The following HEMK2 variants were observed in gnomAD, a reference collection of about 807,000 sequenced individuals.
HEMK2 encodes methyltransferase HEMK2.
the HEMK2 span, among the ~76,000 whole-genome samples, chr21:28,676,226 C>T: frequency 2.7e-3 from 404 of 152,302 alleles, 3 homozygotes; most frequent in African/African-American, 9.1e-3. Flanking sequence ...ATCAAGGTGT[C>T]AACAAGGTTG....
the HEMK2 span, among the ~76,000 whole-genome samples, chr21:28,631,471 A>G: frequency 1.3e-5 from 2 of 152,210 alleles, no homozygotes; most frequent in African/African-American, 4.8e-5. Context: ...ACCCTAATTC[A>G]GTGGTCTTGG....
chr21:28,824,321 A>G, the HEMK2 span, among the ~76,000 whole-genome samples: 1 of 152,234 alleles, frequency 6.6e-6, no homozygotes, highest in South Asian at 2.1e-4. Flanking sequence ...GACAGGAAGA[A>G]ATCACTCCTA....
the HEMK2 span, among the ~76,000 whole-genome samples, chr21:28,742,261 A>G: frequency 1.3e-5 from 2 of 152,298 alleles, no homozygotes; most frequent in African/African-American, 2.4e-5. Context: ...AGAGTTTTAC[A>G]TTTGCTGAAA....
chr21:28,851,642 G>A, the HEMK2 span, among the ~76,000 whole-genome samples: 4 of 152,252 alleles, frequency 2.6e-5, no homozygotes, highest in African/African-American at 9.6e-5. Flanking sequence ...CCATCCTCTG[G>A]CATGCAAATG....
the HEMK2 span, among the ~76,000 whole-genome samples, chr21:28,698,178 C>T: frequency 6.6e-6 from 1 of 152,196 alleles, no homozygotes; most frequent in East Asian, 1.9e-4. Flanking sequence ...CACGAAGATT[C>T]AGACCATAGC....
At chr21:28,624,905 A>G in the HEMK2 span, among the ~76,000 whole-genome samples, 2 of 152,226 alleles carry the variant, frequency 1.3e-5, no homozygotes, top group African/African-American at 4.8e-5. Flanking sequence ...CTTCTCCTGT[A>G]TTAAGCAGAA....
the HEMK2 span, among the ~76,000 whole-genome samples, chr21:28,708,631 ATTT>A: frequency 1.3e-5 from 2 of 152,236 alleles, no homozygotes; most frequent in Non-Finnish European, 2.9e-5. Context: ...TTTGAAAGAT[ATTT>A]GTCCTTAGGA....
the HEMK2 span, among the ~76,000 whole-genome samples, chr21:28,730,373 A>AACACACACAGACAC: frequency 1.1e-4 from 15 of 132,734 alleles, no homozygotes; most frequent in South Asian, 2.5e-4. Flanking sequence ...CCTTGTCTCA[A>AACACACACAGACAC]ACACACACAG....
At chr21:28,684,779 G>A in the HEMK2 span, among the ~76,000 whole-genome samples, 1 of 152,152 alleles carries the variant, frequency 6.6e-6, no homozygotes, top group African/African-American at 2.4e-5. Context: ...CTCCTGGGTC[G>A]AACATCCAAC....
chr21:28,710,648 A>C, the HEMK2 span, among the ~76,000 whole-genome samples: 2 of 152,204 alleles, frequency 1.3e-5, no homozygotes, highest in African/African-American at 2.4e-5. Flanking sequence ...AGTGCTGGGG[A>C]GTGAGGAAGA....
At chr21:28,578,647 C>G in the HEMK2 span, among the ~76,000 whole-genome samples, 1 of 152,128 alleles carries the variant, frequency 6.6e-6, no homozygotes, top group African/African-American at 2.4e-5. Flanking sequence ...ATCATACGGA[C>G]TGGCAGGGAA....
the HEMK2 span, among the ~76,000 whole-genome samples, chr21:28,737,679 G>A: frequency 6.6e-6 from 1 of 151,912 alleles, no homozygotes; most frequent in Non-Finnish European, 1.5e-5. Context: ...ATGAAAATTT[G>A]TAAGGAACAT....
At chr21:28,596,844 T>C in the HEMK2 span, among the ~76,000 whole-genome samples, 1 of 152,216 alleles carries the variant, frequency 6.6e-6, no homozygotes, top group Non-Finnish European at 1.5e-5. Flanking sequence ...GTGTGCTCCA[T>C]ACCGAAAATG....
At chr21:28,770,907 T>C in the HEMK2 span, among the ~76,000 whole-genome samples, 1 of 152,162 alleles carries the variant, frequency 6.6e-6, no homozygotes, top group Non-Finnish European at 1.5e-5. Context: ...AGTAGCATCA[T>C]GCTACAATTC....
At chr21:28,604,777 A>C in the HEMK2 span, among the ~76,000 whole-genome samples, 92,370 of 152,070 alleles carry the variant, frequency 0.61, 28,254 homozygotes, top group East Asian at 0.82. Flanking sequence ...CCAAAGCCTC[A>C]CACCATTTGC....
At chr21:28,762,303 C>G in the HEMK2 span, among the ~76,000 whole-genome samples, 1 of 152,032 alleles carries the variant, frequency 6.6e-6, no homozygotes, top group Non-Finnish European at 1.5e-5. Flanking sequence ...AAAGAACATA[C>G]CCATGGATAT....
chr21:28,673,612 T>C, the HEMK2 span, among the ~76,000 whole-genome samples: 4 of 117,962 alleles, frequency 3.4e-5, no homozygotes, highest in African/African-American at 1.6e-4. Flanking sequence ...GGACAAAACA[T>C]TCGTTAAAAT....
chr21:28,746,059 T>C, the HEMK2 span, among the ~76,000 whole-genome samples: 2 of 152,238 alleles, frequency 1.3e-5, no homozygotes, highest in East Asian at 3.8e-4. Context: ...TTGGATACTC[T>C]ATCAAATAAC....
chr21:28,684,179 G>C, the HEMK2 span, among the ~76,000 whole-genome samples: 8 of 152,186 alleles, frequency 5.3e-5, no homozygotes, highest in East Asian at 1.5e-3. Context: ...ACCATTGTGT[G>C]TTTCCTTATC....
Sources: gnomAD v4.1 joint callset for allele counts (sites outside exome capture counted in the v4.1 genomes callset) on GRCh38, gnomAD v4.1.1 for gene constraint, MANE v1.5 for transcripts, NCBI Gene and HGNC (gene_info 2026-07-23, HGNC 2026-07-21) for gene names.